GRM7: variants seen among roughly 807,000 people sequenced by gnomAD.
GRM7 encodes the protein metabotropic glutamate receptor 7.
In GRM7, 35 loss-of-function variants were observed where a neutral mutation model predicts 84.5. The observed-to-expected ratio is 0.41, with a 90% CI of 0.32 to 0.55. The LOEUF is 0.55. Among genes scored for constraint, GRM7 ranks in the 20% least tolerant of loss-of-function variants. GRM7 has a pLI of 0.19. For synonymous variants in GRM7, 487 were observed against 455.1 expected, an observed-to-expected ratio of 1.07 and a Z score of -0.89; for missense variants, 1,003 against 1,194.6, an observed-to-expected ratio of 0.84 and a Z score of 2.36.
At chr3:6,882,728 TTATTA>T in intron 1 of GRM7, among the ~76,000 whole-genome samples, 1 of 152,224 alleles carries the variant, frequency 6.6e-6, no homozygotes, top group Admixed American at 6.5e-5. Context: ...TCTTTTTTGC[TTATTA>T]GTATATAATG....
chr3:7,536,374 G>A (rs897940645), intron 7 of GRM7, among the ~76,000 whole-genome samples: 2 of 152,098 alleles, frequency 1.3e-5, no homozygotes, highest in Admixed American at 6.6e-5. Context: ...TCTCAGCAAC[G>A]AACAAAAACT....
intron 2 of GRM7, among the ~76,000 whole-genome samples, chr3:7,183,584 G>T (rs971816398): frequency 1.3e-5 from 2 of 151,942 alleles, no homozygotes; most frequent in Non-Finnish European, 2.9e-5. Flanking sequence ...CCAAGATCAC[G>T]CCACTGCACT....
chr3:7,426,213 G>T (rs1337552739), intron 5 of GRM7, among the ~76,000 whole-genome samples: 1 of 151,476 alleles, frequency 6.6e-6, no homozygotes. Flanking sequence ...TCTGTCTCCC[G>T]GGTTCAAGTG....
intron 5 of GRM7, among the ~76,000 whole-genome samples, chr3:7,451,212 T>C (rs542068742): frequency 6.6e-6 from 1 of 152,312 alleles, no homozygotes; most frequent in South Asian, 2.1e-4. Flanking sequence ...AATGAATGCA[T>C]AATTTAATGC....
At chr3:7,651,825 G>C (rs1698954921) in intron 8 of GRM7, among the ~76,000 whole-genome samples, 1 of 152,158 alleles carries the variant, frequency 6.6e-6, no homozygotes, top group African/African-American at 2.4e-5. Flanking sequence ...ATAGCAAAAA[G>C]CTCCAGCCAG....
chr3:7,488,313 C>T (rs972491918), intron 7 of GRM7, among the ~76,000 whole-genome samples: 3 of 152,092 alleles, frequency 2.0e-5, no homozygotes, highest in Non-Finnish European at 4.4e-5. Flanking sequence ...ATGTGAATTT[C>T]CTCACAGTGG....
chr3:7,689,175 G>A (rs1280596234), intron 9 of GRM7, among the ~76,000 whole-genome samples: 1 of 152,110 alleles, frequency 6.6e-6, no homozygotes, highest in Non-Finnish European at 1.5e-5. Context: ...AACTTTGAGA[G>A]TATAATTAAG....
intron 9 of GRM7, among the ~76,000 whole-genome samples, chr3:7,728,624 C>T (rs941831680): frequency 1.3e-5 from 2 of 152,148 alleles, no homozygotes; most frequent in Non-Finnish European, 2.9e-5. Flanking sequence ...CTTGACTTAC[C>T]CCAGGTTTCA....
chr3:6,881,449 C>T (rs532115666), intron 1 of GRM7, among the ~76,000 whole-genome samples: 15 of 152,188 alleles, frequency 9.9e-5, no homozygotes, highest in East Asian at 3.9e-4. Context: ...GCTTTATCCA[C>T]GTCCCTGCAA....
intron 7 of GRM7, chr3:7,519,615 T>G (rs1700517432): frequency 6.6e-6 from 1 of 152,212 alleles, no homozygotes; most frequent in East Asian, 1.9e-4. Flanking sequence ...TTTGATGATC[T>G]CAAAATAGAT....
intron 4 of GRM7, among the ~76,000 whole-genome samples, chr3:7,407,467 C>T (rs1695731529): frequency 6.6e-6 from 1 of 152,092 alleles, no homozygotes; most frequent in Admixed American, 6.5e-5. Flanking sequence ...TTTACAGTGC[C>T]TCGAACTGAT....
intron 1 of GRM7, among the ~76,000 whole-genome samples, chr3:6,895,468 T>C (rs1444203170): frequency 6.6e-6 from 1 of 152,136 alleles, no homozygotes; most frequent in African/African-American, 2.4e-5. Context: ...ACCAAACTTA[T>C]TTTTTTCTTC....
At chr3:7,182,989 G>A (rs1695393638) in intron 2 of GRM7, among the ~76,000 whole-genome samples, 1 of 146,236 alleles carries the variant, frequency 6.8e-6, no homozygotes, top group African/African-American at 2.5e-5. Flanking sequence ...ACTCATCACA[G>A]CATGGTGAGT....
At chr3:7,608,408 A>T (rs1696693586) in intron 8 of GRM7, among the ~76,000 whole-genome samples, 1 of 152,110 alleles carries the variant, frequency 6.6e-6, no homozygotes, top group African/African-American at 2.4e-5. Flanking sequence ...CTTTTTTAAT[A>T]ATAGCCATTC....
chr3:6,897,971 G>A (rs893995427), intron 1 of GRM7, among the ~76,000 whole-genome samples: 5 of 152,152 alleles, frequency 3.3e-5, no homozygotes, highest in Non-Finnish European at 5.9e-5. Context: ...CAGCAACTTG[G>A]CAGGGAGGAA....
At chr3:7,045,978 C>T (rs1186237984) in intron 1 of GRM7, among the ~76,000 whole-genome samples, 1 of 151,998 alleles carries the variant, frequency 6.6e-6, no homozygotes, top group African/African-American at 2.4e-5. Context: ...CATAACTGTA[C>T]CAATTTGCAT....
intron 4 of GRM7, among the ~76,000 whole-genome samples, chr3:7,317,489 G>T (rs1184326474): frequency 6.6e-6 from 1 of 152,028 alleles, no homozygotes; most frequent in Non-Finnish European, 1.5e-5. Flanking sequence ...AATGAGGCAG[G>T]TATTTTGCTA....
At chr3:7,276,591 G>C (rs1297045781) in intron 2 of GRM7, among the ~76,000 whole-genome samples, 1 of 151,456 alleles carries the variant, frequency 6.6e-6, no homozygotes, top group Non-Finnish European at 1.5e-5. Flanking sequence ...AAAAACTAAG[G>C]GATATACTTT....
intron 1 of GRM7, among the ~76,000 whole-genome samples, chr3:7,020,239 G>A (rs1157731109): frequency 1.3e-5 from 2 of 152,282 alleles, no homozygotes; most frequent in Non-Finnish European, 2.9e-5. Flanking sequence ...ATGACTAAGC[G>A]AAAGAAGCCA....
Sources: allele counts gnomAD v4.1 joint callset (sites outside exome capture counted in the v4.1 genomes callset), GRCh38; gene constraint gnomAD v4.1.1; transcripts MANE v1.5; gene names NCBI Gene and HGNC (gene_info 2026-07-23, HGNC 2026-07-21).